IQGAP2: variants seen among roughly 807,000 people sequenced by gnomAD.
IQGAP2 encodes the protein ras GTPase-activating-like protein IQGAP2.
Under a neutral mutation model 201.3 loss-of-function variants are expected in IQGAP2, and 173 were observed. The observed-to-expected ratio is 0.86, with a 90% CI of 0.76 to 0.98. The LOEUF is 0.98. IQGAP2 is among the 50% of genes least tolerant of loss of function. IQGAP2 has a pLI of 0.00. For missense variants in IQGAP2, 1,687 were observed against 1,864.8 expected (o/e 0.90, Z 1.76); for synonymous variants, 675 against 673.9 (o/e 1.00, Z -0.03).
intron 4 of IQGAP2, among the ~76,000 whole-genome samples, chr5:76,573,497 A>AT (rs1173026477): frequency 6.6e-6 from 1 of 152,270 alleles, no homozygotes; most frequent in African/African-American, 2.4e-5. Context: ...GAAGGAAGTC[A>AT]TTTATAATGG....
At chr5:76,543,381 G>A (rs1179432110) in intron 2 of IQGAP2, among the ~76,000 whole-genome samples, 2 of 152,236 alleles carry the variant, frequency 1.3e-5, no homozygotes, top group Non-Finnish European at 2.9e-5. Context: ...CAGTGATCAA[G>A]AGCCAGTGCT....
At chr5:76,421,626 A>G (rs1340699574) in intron 1 of IQGAP2, among the ~76,000 whole-genome samples, 3 of 152,136 alleles carry the variant, frequency 2.0e-5, no homozygotes, top group Admixed American at 2.0e-4. Context: ...CATAAAAAAA[A>G]TAGGTGTGGC....
chr5:76,405,753 C>T (rs992416888), intron 1 of IQGAP2, among the ~76,000 whole-genome samples: 2 of 152,078 alleles, frequency 1.3e-5, no homozygotes, highest in Admixed American at 6.5e-5. Context: ...GACTGAAAAT[C>T]GTGCTGTGAG....
chr5:76,513,106 G>A lies in IQGAP2; in HGVS notation c.147-49290G>A, dbSNP rs533696381. ...AAAGAAATGTTACTTTTGCACTTTC[G>A]TGGCCTTGGCTAGTTTTAAATGCTT... On this transcript the variant is annotated intron_variant, in intron 2 of 35. Coordinates refer to ENST00000274364, the MANE Select transcript of IQGAP2 (RefSeq NM_006633.5). 8.6e-5 allele frequency among the ~76,000 whole-genome samples: 13 copies of A among 151,778 alleles called. No individual in the cohort carries two copies. In the East Asian group the frequency reaches 1.4e-3, roughly 16 times the overall value.
At chr5:76,692,143 T>G (rs750568954) in intron 30 of IQGAP2, among the ~76,000 whole-genome samples, 8 of 152,180 alleles carry the variant, frequency 5.3e-5, no homozygotes, top group Non-Finnish European at 1.0e-4. Context: ...TTTCTTTCTT[T>G]CTATCTATCT....
chr5:76,654,240 A>C lies in IQGAP2; in HGVS notation c.2219A>C (p.Tyr740Ser). Residue 740 changes from tyrosine to serine, a missense_variant, in exon 19 of 36, where the codon TAT (tyrosine) becomes TCT (serine). Coordinates refer to ENST00000274364, the MANE Select transcript of IQGAP2 (RefSeq NM_006633.5). Reference protein sequence around the residue: ...WFRMATARKSYLSRLQYFRDH... With the variant: ...WFRMATARKSSLSRLQYFRDH... ...CGAATGGCAACTGCAAGAAAGAGCTATCTTTCAAGACTACAGTATTTCAGA... is the reference window on the plus strand; with the variant it reads ...CGAATGGCAACTGCAAGAAAGAGCTCTCTTTCAAGACTACAGTATTTCAGA... 6.2e-7 allele frequency: 1 copy of C among 1,611,004 alleles called. No individual in the cohort carries two copies. Among genetic ancestry groups the C allele is most frequent in the Admixed American group, 1.7e-5 (1 of 59,828 alleles).
At chr5:76,603,515 G>A (rs758376852) in intron 11 of IQGAP2, among the ~76,000 whole-genome samples, 6 of 152,192 alleles carry the variant, frequency 3.9e-5, no homozygotes, top group Non-Finnish European at 7.4e-5. Flanking sequence ...GCCTGTCCCA[G>A]GGAGGGTGCT....
At chr5:76,486,647 TA>T (rs200058083) in intron 2 of IQGAP2, among the ~76,000 whole-genome samples, 1 of 142,430 alleles carries the variant, frequency 7.0e-6, no homozygotes, top group African/African-American at 2.6e-5. Context: ...ATTTTTTTTT[TA>T]AAAAAGGATT....
chr5:76,696,981 G>A (rs1746808896), intron 32 of IQGAP2, among the ~76,000 whole-genome samples: 1 of 152,050 alleles, frequency 6.6e-6, no homozygotes, highest in South Asian at 2.1e-4. Context: ...TAGGGGAATG[G>A]TTTTTAACTT....
chr5:76,600,869 T>A lies in IQGAP2; in HGVS notation c.1129T>A (p.Leu377Ile). 1 of 1,614,104 alleles carries A rather than the reference T, an allele frequency of 6.2e-7. No individual in the cohort carries two copies. The highest frequency in any genetic ancestry group is 8.5e-7 in the Non-Finnish European group (1 of 1,179,988). ...IAVEMLSAVA[L>I]LNQALESNDL... is the part of the protein sequence containing the mutation. ...TGTGGAAATGTTGTCTGCTGTTGCT[T>A]TACTAAACCAGGCCTTGGAAAGCAA... The change falls in exon 11 of 36, where the codon TTA (leucine) becomes ATA (isoleucine). Residue 377 changes from leucine to isoleucine, a missense_variant. Physicochemically the swap from Leu to Ile is conservative, Grantham distance 5 (BLOSUM62 2). Coordinates refer to ENST00000274364, the MANE Select transcript of IQGAP2 (RefSeq NM_006633.5).
At chr5:76,411,204 A>G (rs922358530) in intron 1 of IQGAP2, among the ~76,000 whole-genome samples, 1 of 152,120 alleles carries the variant, frequency 6.6e-6, no homozygotes, top group African/African-American at 2.4e-5. Context: ...TTTCTGATAT[A>G]TAGTTACTCT....
chr5:76,490,795 A>T (rs1275300411), intron 2 of IQGAP2, among the ~76,000 whole-genome samples: 2 of 152,176 alleles, frequency 1.3e-5, no homozygotes, highest in African/African-American at 4.8e-5. Context: ...GTTAAAAAAA[A>T]ATACTATGGA....
intron 2 of IQGAP2, among the ~76,000 whole-genome samples, chr5:76,561,144 C>A (rs897877003): frequency 4.6e-5 from 7 of 152,180 alleles, no homozygotes; most frequent in African/African-American, 1.7e-4. Flanking sequence ...ATTAAAAACT[C>A]ATGAATTTTG....
intron 1 of IQGAP2, among the ~76,000 whole-genome samples, chr5:76,443,212 G>C (rs189263547): frequency 2.2e-4 from 34 of 152,250 alleles, no homozygotes; most frequent in Admixed American, 2.2e-3. Context: ...ATAGTCTCCA[G>C]AGTTTTAAAT....
chr5:76,491,262 A>C (rs995399340), intron 2 of IQGAP2, among the ~76,000 whole-genome samples: 1 of 152,052 alleles, frequency 6.6e-6, no homozygotes, highest in Non-Finnish European at 1.5e-5. Context: ...TGTTTGCTAA[A>C]CCTTGAAAAA....
chr5:76,583,605 A>G (rs779948987), intron 5 of IQGAP2, among the ~76,000 whole-genome samples: 1 of 152,222 alleles, frequency 6.6e-6, no homozygotes, highest in Admixed American at 6.5e-5. Context: ...AAAAGCAAAG[A>G]TTCTTCCATG....
intron 2 of IQGAP2, among the ~76,000 whole-genome samples, chr5:76,560,735 C>T (rs1744307765): frequency 1.3e-5 from 2 of 152,204 alleles, no homozygotes; most frequent in South Asian, 4.2e-4. Context: ...ATTGTGTTGC[C>T]TTCTTAATTA....
chr5:76,522,707 A>G (rs1758758380), intron 2 of IQGAP2, among the ~76,000 whole-genome samples: 1 of 152,174 alleles, frequency 6.6e-6, no homozygotes, highest in Non-Finnish European at 1.5e-5. Context: ...CTTTACTCCT[A>G]TGTACCTTGA....
intron 2 of IQGAP2, among the ~76,000 whole-genome samples, chr5:76,492,686 TAG>T (rs1159586218): frequency 6.6e-6 from 1 of 151,982 alleles, no homozygotes; most frequent in East Asian, 1.9e-4. Context: ...GCAAACAGTC[TAG>T]TGATGAAAGC....
Sources: allele counts gnomAD v4.1 joint callset (sites outside exome capture counted in the v4.1 genomes callset), GRCh38; gene constraint gnomAD v4.1.1; transcripts MANE v1.5; gene names NCBI Gene and HGNC (gene_info 2026-07-23, HGNC 2026-07-21).